CDH4: variants seen among roughly 807,000 people sequenced by gnomAD.
CDH4 encodes the protein cadherin 4.
Under a neutral mutation model 86.0 loss-of-function variants are expected in CDH4, and 33 were observed. The observed-to-expected ratio is 0.38, with a 90% CI of 0.29 to 0.51. The LOEUF (loss-of-function observed/expected upper bound fraction) is 0.51, where lower values mean the gene tolerates loss of function less well. CDH4 is among the 20% of genes least tolerant of loss of function. CDH4 has a pLI of 0.86. For missense variants in CDH4, 1,114 were observed against 1,307.4 expected, an observed-to-expected ratio of 0.85 and a Z score of 2.28; for synonymous variants, 555 against 549.4, an observed-to-expected ratio of 1.01 and a Z score of -0.14.
Position 61,708,494 on chromosome 20 carries a change from G to A in CDH4, c.170-35069G>A, listed in dbSNP as rs190009461. 3.4e-3 allele frequency among the ~76,000 whole-genome samples: 514 copies of A among 152,232 alleles called. 2 individuals are homozygous for A. Among genetic ancestry groups the A allele is most frequent in the African/African-American group, 0.011 (476 of 41,552 alleles). ...TATGGAGAAACCCAATCCAGGCCCCGGGCTCCCAGTTTGACACCCGGCCAC... is the reference window on the plus strand; with the variant it reads ...TATGGAGAAACCCAATCCAGGCCCCAGGCTCCCAGTTTGACACCCGGCCAC... On this transcript the variant is annotated intron_variant, in intron 2 of 15. Coordinates refer to ENST00000614565, the MANE Select transcript of CDH4 (RefSeq NM_001794.5). The surrounding 1 kb of genome is among the most constrained non-coding windows in gnomAD (Gnocchi z 4.5).
chr20:61,719,942 G>A (rs932482227), intron 2 of CDH4, among the ~76,000 whole-genome samples: 4 of 152,160 alleles, frequency 2.6e-5, no homozygotes, highest in African/African-American at 7.2e-5. Context: ...AAGACATTGC[G>A]GTGTGCTCCC....
Position 61,936,952 on chromosome 20 carries a change from G to A in CDH4, c.*9G>A, listed in dbSNP as rs558808634. ...GTGGTGAAGAGGATTGACTGACCTCGCATCTTCGGACCGAAGTGAGAGCCG... is the reference window on the plus strand; with the variant it reads ...GTGGTGAAGAGGATTGACTGACCTCACATCTTCGGACCGAAGTGAGAGCCG... On this transcript the variant is annotated 3_prime_UTR_variant, in exon 16 of 16. Coordinates refer to ENST00000614565, the MANE Select transcript of CDH4 (RefSeq NM_001794.5). 45 of 1,551,502 alleles carry A rather than the reference G, an allele frequency of 2.9e-5. 1 individual carries two copies. In the South Asian group the frequency reaches 3.8e-4, roughly 13 times the overall value.
At chr20:61,655,703 A>G (rs111435444) in intron 2 of CDH4, among the ~76,000 whole-genome samples, 147 of 152,330 alleles carry the variant, frequency 9.7e-4, no homozygotes, top group African/African-American at 3.3e-3. Context: ...TCCGTGGGTC[A>G]TTCATTCATT....
chr20:61,396,872 A>G (rs2085020645), intron 2 of CDH4, among the ~76,000 whole-genome samples: 2 of 152,134 alleles, frequency 1.3e-5, no homozygotes, highest in Non-Finnish European at 2.9e-5. Flanking sequence ...ACTTTTTAAT[A>G]CTACTTAAAT....
At chr20:61,599,913 G>C (rs2086585719) in intron 2 of CDH4, 2 of 985,410 alleles carry the variant, frequency 2.0e-6, no homozygotes, top group Non-Finnish European at 2.4e-6. Context: ...AAAATAAAGG[G>C]AGGAAGGAGT....
At chr20:61,612,650 T>C (rs1356239320) in intron 2 of CDH4, among the ~76,000 whole-genome samples, 4 of 152,130 alleles carry the variant, frequency 2.6e-5, no homozygotes, top group Admixed American at 2.6e-4. Context: ...TGGCCAATTA[T>C]GGACTTTCCC....
At chr20:61,794,101 C>G (rs576696706) in intron 4 of CDH4, among the ~76,000 whole-genome samples, 7 of 148,606 alleles carry the variant, frequency 4.7e-5, no homozygotes, top group African/African-American at 1.8e-4. Context: ...CAAGATGGCG[C>G]CACTGCACTC....
rs537452281 is a variant in CDH4 at position 61,516,613 on chromosome 20, C to T, written c.170-226950C>T. Reference sequence around the variant, plus strand: ...GTTTACAAGGTCATCTGGCAGAAAGCTCAGTGGCTGAGCTATTTTAAAGCA... The same window carrying T: ...GTTTACAAGGTCATCTGGCAGAAAGTTCAGTGGCTGAGCTATTTTAAAGCA... On this transcript the variant is annotated intron_variant, in intron 2 of 15. Coordinates refer to ENST00000614565, the MANE Select transcript of CDH4 (RefSeq NM_001794.5). This position sits in a 1 kb window ranked among gnomAD's most constrained non-coding sequence, Gnocchi z 4.0. 6.6e-6 allele frequency among the ~76,000 whole-genome samples: 1 copy of T among 152,218 alleles called. No individual in the cohort carries two copies. The highest frequency in any genetic ancestry group is 1.5e-5 in the Non-Finnish European group (1 of 68,040).
intron 2 of CDH4, among the ~76,000 whole-genome samples, chr20:61,351,757 C>A (rs1187061196): frequency 6.6e-6 from 1 of 151,672 alleles, no homozygotes; most frequent in Non-Finnish European, 1.5e-5. Context: ...CACTCTGTCG[C>A]CCATGCTGGA....
At chr20:61,806,305 C>T (rs1980125112) in intron 4 of CDH4, among the ~76,000 whole-genome samples, 4 of 152,180 alleles carry the variant, frequency 2.6e-5, no homozygotes, top group Admixed American at 2.6e-4. Flanking sequence ...GGGGCGTCCA[C>T]AGGGCTAAGG....
At position 61,386,892 on chromosome 20, in the gene CDH4, G is replaced by T. The variant is rs552279331; in HGVS notation, c.169+131955G>T. Among the ~76,000 whole-genome samples the T allele has an allele frequency of 2.6e-5, 4 of 152,320 alleles. No individual in the cohort carries two copies. In the East Asian group the frequency reaches 7.7e-4, roughly 29 times the overall value. ...TGAGGCAGATGTTCCCCGGAGCCCGGGGGGAGGAGGCGTCAGGACCGGCCC... is the reference window on the plus strand; with the variant it reads ...TGAGGCAGATGTTCCCCGGAGCCCGTGGGGAGGAGGCGTCAGGACCGGCCC... On this transcript the variant is annotated intron_variant, in intron 2 of 15. Transcript: ENST00000614565.
intron 2 of CDH4, among the ~76,000 whole-genome samples, chr20:61,683,861 T>A (rs1477301042): frequency 6.6e-6 from 1 of 151,966 alleles, no homozygotes; most frequent in Non-Finnish European, 1.5e-5. Context: ...TGCCGTGGGG[T>A]GAGGTGCACC....
At chr20:61,722,627 G>A (rs1038462573) in intron 2 of CDH4, among the ~76,000 whole-genome samples, 13 of 147,856 alleles carry the variant, frequency 8.8e-5, no homozygotes, top group East Asian at 4.0e-4. Context: ...AGGGCAGGGC[G>A]CCCCCCCACC....
chr20:61,372,383 C>G (rs527317098), intron 2 of CDH4, among the ~76,000 whole-genome samples: 1 of 152,220 alleles, frequency 6.6e-6, no homozygotes, highest in African/African-American at 2.4e-5. Flanking sequence ...TACCCGCACA[C>G]GCTTCGCCTC....
intron 2 of CDH4, among the ~76,000 whole-genome samples, chr20:61,581,393 G>A (rs1216617341): frequency 6.6e-6 from 1 of 152,184 alleles, no homozygotes; most frequent in African/African-American, 2.4e-5. Flanking sequence ...TCCTCCTGGA[G>A]GACCCTGGAG....
intron 2 of CDH4, among the ~76,000 whole-genome samples, chr20:61,630,820 C>T (rs1172151004): frequency 1.3e-5 from 2 of 152,220 alleles, no homozygotes; most frequent in Non-Finnish European, 2.9e-5. Context: ...GTTATTCATT[C>T]ACCAAACCCG....
chr20:61,446,598 G>A (rs2085351522), intron 2 of CDH4, among the ~76,000 whole-genome samples: 1 of 151,708 alleles, frequency 6.6e-6, no homozygotes, highest in Non-Finnish European at 1.5e-5. Context: ...GAAGGTGGCT[G>A]TAAAGCGAAT....
At chr20:61,821,979 G>A (rs1363439382) in intron 4 of CDH4, among the ~76,000 whole-genome samples, 6 of 152,246 alleles carry the variant, frequency 3.9e-5, no homozygotes, top group Non-Finnish European at 2.9e-5. Context: ...ATGAGCAAGT[G>A]GGGAGAACGT....
At chr20:61,725,103 C>A (rs1158760847) in intron 2 of CDH4, among the ~76,000 whole-genome samples, 1 of 152,138 alleles carries the variant, frequency 6.6e-6, no homozygotes, top group African/African-American at 2.4e-5. Flanking sequence ...CAGAGTGAGA[C>A]CCTGTCTCTA....
Sources: gnomAD v4.1 joint callset for allele counts (sites outside exome capture counted in the v4.1 genomes callset) on GRCh38, gnomAD v4.1.1 for gene constraint, Gnocchi (gnomAD v3.1) non-coding constraint, MANE v1.5 for transcripts, NCBI Gene and HGNC (gene_info 2026-07-23, HGNC 2026-07-21) for gene names.